ERO1A: variants seen among roughly 807,000 people sequenced by gnomAD.
ERO1A encodes ERO1-like protein alpha.
In ERO1A, 49 loss-of-function variants were observed where a neutral mutation model predicts 76.9. That is an observed-to-expected ratio of 0.64 (90% confidence interval 0.51 to 0.81). ERO1A has a LOEUF of 0.81. Among genes scored for constraint, ERO1A ranks in the 30% least tolerant of loss-of-function variants. The probability of loss-of-function intolerance (pLI) is 0.00; values close to 1 mark genes in which losing one functional copy is unlikely to be tolerated. For missense variants in ERO1A, 448 were observed against 542.1 expected, an observed-to-expected ratio of 0.83 and a Z score of 1.72; for synonymous variants, 174 against 181.2, an observed-to-expected ratio of 0.96 and a Z score of 0.32.
chr14:52,695,313 A>C (rs1398308591), intron 1 of ERO1A, 55 bp downstream of exon 1: 33 of 1,168,434 alleles, frequency 2.8e-5, no homozygotes, highest in Admixed American at 3.6e-5. Flanking sequence ...CGTGCGGGAC[A>C]GTGCACGCCG....
chr14:52,668,768 T>A (rs2040500213), intron 6 of ERO1A, among the ~76,000 whole-genome samples: 2 of 148,278 alleles, frequency 1.3e-5, no homozygotes, highest in African/African-American at 4.9e-5. Flanking sequence ...ACAAATCTTA[T>A]AATTATACTA....
chr14:52,682,491 C>T, intron 2 of ERO1A, 83 bp from the exon 3 acceptor site: 2 of 1,054,800 alleles, frequency 1.9e-6, no homozygotes, highest in South Asian at 1.4e-5. Flanking sequence ...GGTGCTATAA[C>T]TTGGTCATGT....
chr14:52,678,449 T>C lies in ERO1A; in HGVS notation c.342A>G (p.Lys114=). The part of the protein sequence containing the change: ...CQSDEVPDGI[K]SASYKYSEEA... ...ACGTACACACCTTGTAGCTCGCAGA[T>C]TTAATTCCATCAGGAACTTCATCCT... The change falls in exon 4 of 16, where the codon AAA becomes AAG. Residue 114 remains lysine, a synonymous_variant. Coordinates refer to ENST00000395686, the MANE Select transcript of ERO1A (RefSeq NM_014584.3). 2 of 1,613,342 alleles carry C rather than the reference T, an allele frequency of 1.2e-6. No individual in the cohort carries two copies. Among genetic ancestry groups the C allele is most frequent in the Non-Finnish European group, 1.7e-6 (2 of 1,179,652 alleles).
Position 52,643,504 on chromosome 14 carries a change from C to A in ERO1A, c.*66G>T. The A allele has an allele frequency of 1.8e-6, 2 of 1,095,614 alleles. No individual in the cohort carries two copies. The highest frequency in any genetic ancestry group is 2.6e-6 in the Non-Finnish European group (2 of 783,406). 67.9% of individuals were successfully genotyped at this position (1,095,614 alleles called of 1,614,324 possible). On this transcript the variant is annotated 3_prime_UTR_variant, in exon 16 of 16. Coordinates refer to ENST00000395686, the MANE Select transcript of ERO1A (RefSeq NM_014584.3). ...CTTAAGACTGTCATTGCTATTATGC[C>A]TTTGAATGAAATTCCACTCTTTCGC...
At position 52,671,861 on chromosome 14, in the gene ERO1A, T is replaced by G; in HGVS notation, c.368A>C (p.Glu123Ala). 6.3e-7 allele frequency: 1 copy of G among 1,593,828 alleles called. No homozygotes were observed. Among genetic ancestry groups the G allele is most frequent in the Non-Finnish European group, 8.6e-7 (1 of 1,168,320 alleles). Residue 123 changes from glutamate to alanine, a missense_variant, in exon 5 of 16, where the codon GAA becomes GCA. By Grantham distance (107) the Glu-to-Ala change is moderately radical. Coordinates refer to ENST00000395686, the MANE Select transcript of ERO1A (RefSeq NM_014584.3). ...ACATTCTTCAATGAGATTATTGGCT[T>G]CTTCAGAATACTAAAATGAAAAAGG... ...IKSASYKYSE[E>A]ANNLIEECEQ...
intron 4 of ERO1A, among the ~76,000 whole-genome samples, chr14:52,677,332 CACAGTA>C (rs1246959180): frequency 6.6e-6 from 1 of 152,010 alleles, no homozygotes; most frequent in Admixed American, 6.6e-5. Context: ...ATAGTAAGTA[CACAGTA>C]ACTCCTATAT....
chr14:52,648,842 A>C (rs2039758992), intron 13 of ERO1A, among the ~76,000 whole-genome samples: 1 of 152,192 alleles, frequency 6.6e-6, no homozygotes, highest in Non-Finnish European at 1.5e-5. Context: ...GGCTGCTTAC[A>C]ATAGCCAAAT....
chr14:52,646,018 A>C, intron 15 of ERO1A, 136 bp downstream of exon 15: 10 of 1,003,824 alleles, frequency 1.0e-5, no homozygotes, highest in Non-Finnish European at 1.3e-5. Flanking sequence ...CCTGGGCTAC[A>C]GACCAAAACT....
intron 15 of ERO1A, among the ~76,000 whole-genome samples, chr14:52,644,936 G>T: frequency 6.6e-6 from 1 of 152,200 alleles, no homozygotes; most frequent in Non-Finnish European, 1.5e-5. Context: ...TTTAAATGAG[G>T]AAATGTAGTC....
chr14:52,686,747 T>A (rs980613286), intron 1 of ERO1A, among the ~76,000 whole-genome samples: 1 of 152,096 alleles, frequency 6.6e-6, no homozygotes, highest in East Asian at 1.9e-4. Flanking sequence ...TGGTGGCACA[T>A]GTCTGTAGTC....
Position 52,684,246 on chromosome 14 carries a change from T to C in ERO1A, c.115-339A>G, listed in dbSNP as rs4901293. Reference sequence around the variant, plus strand: ...GGGTAGGCATCCAACTCAAACCAGGTCATGGTCCCCTCTCCAGGATCCTAG... The same window carrying C: ...GGGTAGGCATCCAACTCAAACCAGGCCATGGTCCCCTCTCCAGGATCCTAG... On this transcript the variant is annotated intron_variant, in intron 1 of 15. Transcript: ENST00000395686. Among the ~76,000 whole-genome samples, 243 of 151,930 alleles carry C rather than the reference T, an allele frequency of 1.6e-3. 2 individuals carry two copies. Among genetic ancestry groups the C allele is most frequent in the Admixed American group, 0.011 (160 of 15,234 alleles).
At chr14:52,679,611 TG>T (rs2040921415) in intron 3 of ERO1A, among the ~76,000 whole-genome samples, 2 of 152,106 alleles carry the variant, frequency 1.3e-5, no homozygotes, top group Admixed American at 1.3e-4. Context: ...TTGGCCAAGC[TG>T]ACCTCAAACT....
At chr14:52,660,821 A>G (rs563082999) in intron 9 of ERO1A, among the ~76,000 whole-genome samples, 7 of 152,246 alleles carry the variant, frequency 4.6e-5, no homozygotes, top group Non-Finnish European at 8.8e-5. Flanking sequence ...AACACAAAGT[A>G]AACCTAATGT....
chr14:52,691,973 A>C (rs1263221557), intron 1 of ERO1A, among the ~76,000 whole-genome samples: 1 of 152,260 alleles, frequency 6.6e-6, no homozygotes, highest in African/African-American at 2.4e-5. Flanking sequence ...CAGTGAAAAT[A>C]ATTTTAGCAG....
chr14:52,673,797 G>GC (rs1348809070), intron 4 of ERO1A, among the ~76,000 whole-genome samples: 7 of 152,090 alleles, frequency 4.6e-5, no homozygotes, highest in African/African-American at 1.7e-4. Flanking sequence ...AAGTGCAGTG[G>GC]CACAGACTTG....
At position 52,661,317 on chromosome 14, in the gene ERO1A, AC is replaced by A; in HGVS notation, c.677-14del. ...CCTTCACTTGTCCCTGAAAAGCAAA[AC>A]AAAATGTTTATTAAAATAAATTCCT... is the stretch of plus-strand genomic sequence containing the variant. On this transcript the variant is annotated splice_polypyrimidine_tract_variant and intron_variant, in intron 8 of 15. Transcript: ENST00000395686. The A allele has an allele frequency of 7.1e-7, 1 of 1,399,730 alleles. No homozygotes were observed. The highest frequency in any genetic ancestry group is 9.5e-7 in the Non-Finnish European group (1 of 1,050,620). 86.7% of individuals were successfully genotyped at this position (1,399,730 alleles called of 1,614,324 possible).
At chr14:52,657,843 G>C (rs958749885) in intron 11 of ERO1A, 74 bp downstream of exon 11, 266 of 1,018,472 alleles carry the variant, frequency 2.6e-4, no homozygotes, top group Non-Finnish European at 3.8e-4. Flanking sequence ...TTCCCATTCA[G>C]GTAAATGCCA....
At chr14:52,653,007 A>AAT in intron 12 of ERO1A, 62 bp downstream of exon 12, 1 of 1,252,842 alleles carries the variant, frequency 8.0e-7, no homozygotes. Flanking sequence ...AAAAAAAAAA[A>AAT]TTTATCTTGT....
Position 52,646,082 on chromosome 14 carries a change from T to G in ERO1A, c.1346+72A>C. ...ATAAAAAGGATATTCCTTACCCAGT[T>G]TTTTCTGAGAGCATATATGTTGCAT... On this transcript the variant is annotated intron_variant, in intron 15 of 15. Transcript: ENST00000395686. 2.7e-6 allele frequency: 4 copies of G among 1,490,128 alleles called. No homozygotes were observed. In the South Asian group the frequency reaches 5.4e-5, roughly 20 times the overall value. 92.3% of individuals were successfully genotyped at this position (1,490,128 alleles called of 1,614,324 possible).
Sources: allele counts gnomAD v4.1 joint callset (sites outside exome capture counted in the v4.1 genomes callset), GRCh38; gene constraint gnomAD v4.1.1; transcripts MANE v1.5; gene names NCBI Gene and HGNC (gene_info 2026-07-23, HGNC 2026-07-21).